LIPC: variants seen among roughly 807,000 people sequenced by gnomAD.
LIPC encodes hepatic triacylglycerol lipase.
A neutral mutation model predicts 50.7 loss-of-function variants in LIPC; 44 were observed. The observed-to-expected ratio is 0.87, with a 90% CI of 0.68 to 1.11. The LOEUF (loss-of-function observed/expected upper bound fraction) is 1.11. LIPC is among the 50% of genes most tolerant of loss of function. The probability of loss-of-function intolerance (pLI) is 0.00; values close to 1 mark genes in which losing one functional copy is unlikely to be tolerated. For missense variants in LIPC, 697 were observed against 648.2 expected (o/e 1.08, Z -0.82); for synonymous variants, 271 against 256.4 (o/e 1.06, Z -0.54).
chr15:58,504,049 A>G (rs1243296947), intron 1 of LIPC, among the ~76,000 whole-genome samples: 4 of 152,212 alleles, frequency 2.6e-5, no homozygotes. Flanking sequence ...GAGAAAACAA[A>G]AATTCTCAGA....
intron 1 of LIPC, among the ~76,000 whole-genome samples, chr15:58,499,868 C>T (rs751447143): frequency 2.6e-5 from 4 of 152,138 alleles, no homozygotes; most frequent in South Asian, 4.2e-4. Flanking sequence ...GATGTGGTCA[C>T]GGTGTCCTAG....
chr15:58,437,182 G>T (rs1893328716), intron 1 of LIPC, among the ~76,000 whole-genome samples: 1 of 152,136 alleles, frequency 6.6e-6, no homozygotes, highest in Non-Finnish European at 1.5e-5. Flanking sequence ...AGGGATCTTA[G>T]CACAGAGGAT....
intron 1 of LIPC, among the ~76,000 whole-genome samples, chr15:58,491,722 T>C (rs548449312): frequency 4.6e-5 from 7 of 152,228 alleles, no homozygotes; most frequent in Non-Finnish European, 1.0e-4. Context: ...GTCAAAGTCG[T>C]AGGGCTTTAG....
chr15:58,462,125 C>T (rs1308260615), intron 1 of LIPC, among the ~76,000 whole-genome samples: 1 of 152,210 alleles, frequency 6.6e-6, no homozygotes, highest in South Asian at 2.1e-4. Context: ...TTTCCTGTTT[C>T]TTGCATGCAT....
intron 1 of LIPC, among the ~76,000 whole-genome samples, chr15:58,480,006 G>A (rs1891132065): frequency 6.6e-6 from 1 of 152,188 alleles, no homozygotes; most frequent in African/African-American, 2.4e-5. Context: ...GCCCATAGAA[G>A]GCACACAGTA....
intron 1 of LIPC, chr15:58,454,577 T>A (rs1482412765): frequency 6.6e-6 from 1 of 152,208 alleles, no homozygotes; most frequent in Non-Finnish European, 1.5e-5. Context: ...CTGCCTATGG[T>A]GGGTGGAAGT....
intron 1 of LIPC, among the ~76,000 whole-genome samples, chr15:58,530,207 C>T (rs1892915847): frequency 6.6e-6 from 1 of 152,240 alleles, no homozygotes; most frequent in Non-Finnish European, 1.5e-5. Flanking sequence ...AACTTGGCCT[C>T]CACAGGGTAG....
chr15:58,505,065 C>A (rs1193918931), intron 1 of LIPC, among the ~76,000 whole-genome samples: 1 of 152,228 alleles, frequency 6.6e-6, no homozygotes, highest in East Asian at 1.9e-4. Context: ...TGGAAATTCC[C>A]TTATGCTAGA....
At chr15:58,501,953 G>A (rs1368344732) in intron 1 of LIPC, among the ~76,000 whole-genome samples, 2 of 152,252 alleles carry the variant, frequency 1.3e-5, no homozygotes, top group Admixed American at 6.5e-5. Context: ...GTTAGGGAGT[G>A]GGAGTGAAAT....
chr15:58,532,624 G>A (rs1892993462), intron 1 of LIPC, among the ~76,000 whole-genome samples: 1 of 152,176 alleles, frequency 6.6e-6, no homozygotes, highest in African/African-American at 2.4e-5. Flanking sequence ...TGTGTGCCCA[G>A]TACCAGCCAA....
At chr15:58,568,664 A>G in intron 8 of LIPC, 52 bp from the exon 9 acceptor site, 1 of 1,028,274 alleles carries the variant, frequency 9.7e-7, no homozygotes, top group Non-Finnish European at 1.5e-6. Flanking sequence ...AAACACTTCA[A>G]TAAGCTCCAC....
chr15:58,545,739 T>C lies in LIPC; in HGVS notation c.575-3T>C, dbSNP rs1029349848. 11 of 1,613,886 alleles carry C rather than the reference T, an allele frequency of 6.8e-6. No homozygotes were observed. Among genetic ancestry groups the C allele is most frequent in the Non-Finnish European group, 9.3e-6 (11 of 1,179,752 alleles). On this transcript the variant is annotated splice_region_variant and splice_polypyrimidine_tract_variant and intron_variant, in intron 4 of 8. Coordinates refer to ENST00000299022, the MANE Select transcript of LIPC (RefSeq NM_000236.3). ...GTAACCCTTACCCCTGCTTTCCCAT[T>C]AGGGCTGGATGCCGCGGGACCTTTG...
intron 1 of LIPC, among the ~76,000 whole-genome samples, chr15:58,483,514 G>A (rs1891262197): frequency 6.6e-6 from 1 of 152,194 alleles, no homozygotes; most frequent in Admixed American, 6.5e-5. Flanking sequence ...AGAGGAGGCT[G>A]CTGTGAGGGT....
At chr15:58,432,252 G>T in intron 1 of LIPC, 132 bp downstream of exon 1, 1 of 732,532 alleles carries the variant, frequency 1.4e-6, no homozygotes, top group Non-Finnish European at 2.5e-6. Flanking sequence ...TTCTATACAC[G>T]ACCTCACAGG....
chr15:58,473,458 G>A (rs150883587), intron 1 of LIPC, among the ~76,000 whole-genome samples: 10 of 152,260 alleles, frequency 6.6e-5, no homozygotes, highest in East Asian at 5.8e-4. Context: ...TTAACAAGAC[G>A]TTTGGAGGAT....
intron 1 of LIPC, among the ~76,000 whole-genome samples, chr15:58,471,326 G>GA (rs1894790583): frequency 3.3e-5 from 1 of 30,454 alleles, no homozygotes; most frequent in Non-Finnish European, 9.0e-5. Flanking sequence ...TTTTAGTAGA[G>GA]ATGGGGGGGG....
At chr15:58,517,484 T>G (rs1892520069) in intron 1 of LIPC, among the ~76,000 whole-genome samples, 1 of 152,222 alleles carries the variant, frequency 6.6e-6, no homozygotes, top group Non-Finnish European at 1.5e-5. Flanking sequence ...AGCGAACCCC[T>G]TCAGAGGTCT....
At chr15:58,463,376 G>A (rs192336849) in intron 1 of LIPC, among the ~76,000 whole-genome samples, 246 of 152,338 alleles carry the variant, frequency 1.6e-3, no homozygotes, top group African/African-American at 5.5e-3. Flanking sequence ...GCAGGAGTCT[G>A]TGACCCAGAC....
chr15:58,563,696 G>C lies in LIPC; in HGVS notation c.1361G>C (p.Arg454Thr). ...TCAGGCCTCGTTCTGAAGACGATCA[G>C]AGTCAAAGCAGGAGAAACCCAGCAA... is the stretch of plus-strand genomic sequence containing the variant. ...RHSGLVLKTI[R>T]VKAGETQQRM... Residue 454 changes from arginine (R) to threonine (T), a missense_variant, in exon 8 of 9, where the codon AGA becomes ACA. Transcript: ENST00000299022. The C allele has an allele frequency of 6.2e-7, 1 of 1,613,506 alleles. No homozygotes were observed. Among genetic ancestry groups the C allele is most frequent in the East Asian group, 2.2e-5 (1 of 44,882 alleles).
Sources: allele counts gnomAD v4.1 joint callset (sites outside exome capture counted in the v4.1 genomes callset), GRCh38; gene constraint gnomAD v4.1.1; transcripts MANE v1.5; gene names NCBI Gene and HGNC (gene_info 2026-07-23, HGNC 2026-07-21).